Variants in AFG2A observed in about 807,000 individuals in gnomAD.
AFG2A encodes the protein ATPase family gene 2 protein homolog A.
chr4:123,157,162 C>T, the AFG2A span, among the ~76,000 whole-genome samples: 30 of 151,854 alleles, frequency 2.0e-4, no homozygotes, highest in African/African-American at 7.0e-4. Context: ...ATTACAGGTG[C>T]CTGCCACCAC....
the AFG2A span, among the ~76,000 whole-genome samples, chr4:123,092,302 AT>A: frequency 6.6e-6 from 1 of 152,184 alleles, no homozygotes; most frequent in Non-Finnish European, 1.5e-5. Context: ...CCTGGTAAGA[AT>A]TCATTGTATT....
At chr4:123,130,423 G>A in the AFG2A span, among the ~76,000 whole-genome samples, 1 of 152,186 alleles carries the variant, frequency 6.6e-6, no homozygotes, top group Non-Finnish European at 1.5e-5. Context: ...GCCACCACTG[G>A]TGGGATGTCT....
the AFG2A span, among the ~76,000 whole-genome samples, chr4:123,085,516 C>T: frequency 0.1 from 15,934 of 152,122 alleles, 932 homozygotes; most frequent in Middle Eastern, 0.2. Flanking sequence ...AATATAGCTA[C>T]TCCAGCTTTC....
chr4:123,299,390 G>A, the AFG2A span, among the ~76,000 whole-genome samples: 3 of 152,102 alleles, frequency 2.0e-5, no homozygotes, highest in Admixed American at 1.3e-4. Flanking sequence ...GGTGTAGCTT[G>A]TCTAAAGTTT....
chr4:123,133,570 G>A, the AFG2A span, among the ~76,000 whole-genome samples: 1 of 151,902 alleles, frequency 6.6e-6, no homozygotes, highest in Non-Finnish European at 1.5e-5. Context: ...GTTTGACACA[G>A]GTGACTTCAT....
the AFG2A span, chr4:122,947,477 G>A: frequency 1.2e-6 from 2 of 1,611,166 alleles, no homozygotes; most frequent in East Asian, 2.2e-5. Context: ...AAAGTCTTGT[G>A]TAATGAAGCA....
At chr4:123,255,902 T>G in the AFG2A span, 2 of 1,186,992 alleles carry the variant, frequency 1.7e-6, no homozygotes, top group Non-Finnish European at 2.4e-6. Flanking sequence ...TATTTACCAA[T>G]TACGAATAAT....
chr4:123,172,902 A>G, the AFG2A span, among the ~76,000 whole-genome samples: 939 of 152,304 alleles, frequency 6.2e-3, 10 homozygotes, highest in African/African-American at 0.021. Flanking sequence ...TTTCTGAAGA[A>G]TCTCATCTGT....
the AFG2A span, among the ~76,000 whole-genome samples, chr4:123,150,362 A>G: frequency 2.0e-5 from 3 of 152,232 alleles, no homozygotes; most frequent in African/African-American, 7.2e-5. Flanking sequence ...ACATGATTGT[A>G]TATTTAGAAA....
chr4:123,270,924 T>C, the AFG2A span, among the ~76,000 whole-genome samples: 3 of 152,338 alleles, frequency 2.0e-5, no homozygotes, highest in African/African-American at 7.2e-5. Flanking sequence ...AAAGGCCAGC[T>C]ACGTTTAGAA....
the AFG2A span, among the ~76,000 whole-genome samples, chr4:123,070,656 T>A: frequency 6.6e-6 from 1 of 152,194 alleles, no homozygotes; most frequent in South Asian, 2.1e-4. Context: ...GATATCCACC[T>A]TCAGATACCA....
chr4:123,008,902 T>TG, the AFG2A span, among the ~76,000 whole-genome samples: 1 of 151,682 alleles, frequency 6.6e-6, no homozygotes, highest in African/African-American at 2.4e-5. Context: ...AGATGGAGAG[T>TG]GGGGGGAGGT....
chr4:122,946,380 T>G, the AFG2A span, among the ~76,000 whole-genome samples: 3 of 150,278 alleles, frequency 2.0e-5, no homozygotes, highest in Non-Finnish European at 4.4e-5. Context: ...AATGGAAACA[T>G]GTGATACTGA....
chr4:123,032,280 C>G, the AFG2A span, among the ~76,000 whole-genome samples: 1 of 152,148 alleles, frequency 6.6e-6, no homozygotes, highest in African/African-American at 2.4e-5. Context: ...CAAAGTAGTG[C>G]ACAATTCAGA....
At chr4:123,189,834 G>A in the AFG2A span, among the ~76,000 whole-genome samples, 6 of 7,886 alleles carry the variant, frequency 7.6e-4, no homozygotes, top group Non-Finnish European at 1.7e-3. Flanking sequence ...TTTTTTTTTT[G>A]GAGACAGGGT....
the AFG2A span, among the ~76,000 whole-genome samples, chr4:122,975,564 G>C: frequency 1.3e-5 from 2 of 152,128 alleles, no homozygotes; most frequent in African/African-American, 4.8e-5. Context: ...TAGAGTAGCA[G>C]CATTTGCACC....
At chr4:123,197,387 TA>T in the AFG2A span, among the ~76,000 whole-genome samples, 3 of 152,106 alleles carry the variant, frequency 2.0e-5, no homozygotes, top group African/African-American at 7.2e-5. Context: ...CAAAAACAAA[TA>T]AGATTTTTTA....
At chr4:123,246,391 C>A in the AFG2A span, among the ~76,000 whole-genome samples, 1 of 152,172 alleles carries the variant, frequency 6.6e-6, no homozygotes, top group Admixed American at 6.5e-5. Context: ...CTGCCAGAAT[C>A]ATTTACTTTC....
the AFG2A span, among the ~76,000 whole-genome samples, chr4:122,998,913 T>TA: frequency 1.3e-5 from 2 of 152,144 alleles, no homozygotes; most frequent in Admixed American, 1.3e-4. Flanking sequence ...GTTGAACTGG[T>TA]TTATAGTCCC....
Sources: gnomAD v4.1 joint callset for allele counts (sites outside exome capture counted in the v4.1 genomes callset) on GRCh38, gnomAD v4.1.1 for gene constraint, MANE v1.5 for transcripts, NCBI Gene and HGNC (gene_info 2026-07-23, HGNC 2026-07-21) for gene names.